The following WDR72 variants were observed in gnomAD, a reference collection of about 807,000 sequenced individuals.
The protein encoded by WDR72 is WD repeat-containing protein 72.
A neutral mutation model predicts 124.2 loss-of-function variants in WDR72; 120 were observed. The ratio of observed to expected loss-of-function variants is 0.97; its 90% CI spans 0.83 to 1.12. The LOEUF is 1.12. Among genes scored for constraint, WDR72 ranks in the 50% most tolerant of loss-of-function variants. The probability of loss-of-function intolerance (pLI) is 0.00; values close to 1 mark genes in which losing one functional copy is unlikely to be tolerated. For synonymous variants in WDR72, 452 were observed against 441.7 expected (o/e 1.02, Z -0.29); for missense variants, 1,387 against 1,278.8 (o/e 1.08, Z -1.29).
At chr15:53,655,293 A>T (rs1057178101) in intron 14 of WDR72, among the ~76,000 whole-genome samples, 1 of 151,266 alleles carries the variant, frequency 6.6e-6, no homozygotes, top group Non-Finnish European at 1.5e-5. Flanking sequence ...ACCATCTATC[A>T]ACCTGACTTT....
Position 53,517,661 on chromosome 15 carries a change from A to C in WDR72, c.*38T>G, listed in dbSNP as rs1185553208. 5 of 1,605,224 alleles carry C rather than the reference A, an allele frequency of 3.1e-6. No individual in the cohort carries two copies. The highest frequency in any genetic ancestry group is 4.3e-6 in the Non-Finnish European group (5 of 1,172,270). On this transcript the variant is annotated 3_prime_UTR_variant, in exon 20 of 20. Coordinates refer to ENST00000360509, the MANE Select transcript of WDR72 (RefSeq NM_182758.4). ...ACAAATGGCATCTTTTGGATTTCTT[A>C]ATTTGTCCAAATTCAGCTCCTACTG...
At chr15:53,574,190 C>T (rs960782241) in intron 18 of WDR72, among the ~76,000 whole-genome samples, 4 of 152,082 alleles carry the variant, frequency 2.6e-5, no homozygotes, top group African/African-American at 4.8e-5. Context: ...AAAATCCAAA[C>T]GTAATTTAAA....
chr15:53,605,092 T>C (rs2013218518), intron 17 of WDR72, among the ~76,000 whole-genome samples: 1 of 152,182 alleles, frequency 6.6e-6, no homozygotes, highest in African/African-American at 2.4e-5. Context: ...TAAACCTAAA[T>C]GTCAATCAAT....
intron 18 of WDR72, among the ~76,000 whole-genome samples, chr15:53,590,415 C>T (rs192705695): frequency 2.0e-5 from 3 of 152,116 alleles, no homozygotes; most frequent in African/African-American, 4.8e-5. Context: ...CAATGCTACA[C>T]CCCAGCTTTG....
At chr15:53,622,849 A>T (rs777685010) in intron 14 of WDR72, among the ~76,000 whole-genome samples, 1 of 152,158 alleles carries the variant, frequency 6.6e-6, no homozygotes, top group Non-Finnish European at 1.5e-5. Context: ...AATAGATATG[A>T]CTAGCCAAAT....
At chr15:53,651,786 G>A (rs1268179794) in intron 14 of WDR72, among the ~76,000 whole-genome samples, 2 of 152,166 alleles carry the variant, frequency 1.3e-5, no homozygotes, top group East Asian at 1.9e-4. Context: ...CCGAGTAGCT[G>A]GGACTAAAGG....
intron 1 of WDR72, among the ~76,000 whole-genome samples, chr15:53,756,247 G>T (rs1684684275): frequency 6.6e-6 from 1 of 152,124 alleles, no homozygotes; most frequent in Admixed American, 6.5e-5. Flanking sequence ...GGTTTCATAA[G>T]GGGCTTCCCC....
chr15:53,561,726 T>C (rs1894129888), intron 18 of WDR72, among the ~76,000 whole-genome samples: 1 of 151,876 alleles, frequency 6.6e-6, no homozygotes, highest in African/African-American at 2.4e-5. Flanking sequence ...TTCTAAACTC[T>C]GTCTGCATTT....
chr15:53,671,990 A>AGG (rs2016006962), intron 13 of WDR72, among the ~76,000 whole-genome samples: 1 of 151,636 alleles, frequency 6.6e-6, no homozygotes, highest in Non-Finnish European at 1.5e-5. Context: ...AGAGGGAGGG[A>AGG]GAGAGCGAGA....
intron 18 of WDR72, among the ~76,000 whole-genome samples, chr15:53,596,736 T>C (rs1566975904): frequency 1.3e-5 from 2 of 152,090 alleles, no homozygotes; most frequent in South Asian, 2.1e-4. Flanking sequence ...CATTTGACAA[T>C]TATAAGAGGA....
intron 18 of WDR72, among the ~76,000 whole-genome samples, chr15:53,541,351 C>T (rs1893119830): frequency 6.6e-6 from 1 of 152,120 alleles, no homozygotes; most frequent in African/African-American, 2.4e-5. Context: ...CCCCGAGCAG[C>T]CTAACTGGGA....
At chr15:53,521,639 T>A (rs1891803811) in intron 19 of WDR72, among the ~76,000 whole-genome samples, 2 of 152,074 alleles carry the variant, frequency 1.3e-5, no homozygotes, top group Non-Finnish European at 2.9e-5. Flanking sequence ...TATTTGAATC[T>A]CGCTCCCATT....
chr15:53,701,443 A>G (rs1055967033), intron 12 of WDR72, among the ~76,000 whole-genome samples: 3 of 151,926 alleles, frequency 2.0e-5, no homozygotes, highest in Non-Finnish European at 4.4e-5. Flanking sequence ...TGGGAGGCTG[A>G]GGCAGGAGGA....
intron 2 of WDR72, among the ~76,000 whole-genome samples, chr15:53,732,342 T>C (rs1010741583): frequency 1.3e-5 from 2 of 152,242 alleles, no homozygotes; most frequent in Non-Finnish European, 2.9e-5. Context: ...ATCATTAGTT[T>C]AATTGTTCAA....
intron 13 of WDR72, among the ~76,000 whole-genome samples, chr15:53,680,200 T>C (rs1177415936): frequency 6.6e-6 from 1 of 152,212 alleles, no homozygotes; most frequent in African/African-American, 2.4e-5. Context: ...CAATATAGTA[T>C]ATTAACTCAT....
At position 53,712,602 on chromosome 15, in the gene WDR72, C is replaced by A. The variant is rs571808009; in HGVS notation, c.711+170G>T. 9.4e-4 allele frequency among the ~76,000 whole-genome samples: 113 copies of A among 119,942 alleles called. 1 individual carries two copies. The highest frequency in any genetic ancestry group is 3.1e-3 in the African/African-American group (108 of 35,188). The allele number at this position is 119,942 out of a possible 152,430, so 78.7% of individuals were successfully genotyped here. A position where few individuals can be genotyped will look rare whatever the true frequency, so the allele number is the denominator to read the frequency against. On this transcript the variant is annotated intron_variant, in intron 7 of 19. Coordinates refer to ENST00000360509, the MANE Select transcript of WDR72 (RefSeq NM_182758.4). ...AGAGTGAGACTGTCAACCACCCCACCGCCAAAAAAAAAAACTGTTACGTCA... is the reference window on the plus strand; with the variant it reads ...AGAGTGAGACTGTCAACCACCCCACAGCCAAAAAAAAAAACTGTTACGTCA...
chr15:53,624,448 G>A (rs2014126935), intron 14 of WDR72, among the ~76,000 whole-genome samples: 1 of 152,038 alleles, frequency 6.6e-6, no homozygotes, highest in Non-Finnish European at 1.5e-5. Context: ...CTCTGTCTCA[G>A]CACCTAGATC....
chr15:53,755,665 CACTTCCTGTCCCATGATGCTGACAGAT>C (rs2018882575), intron 1 of WDR72, among the ~76,000 whole-genome samples: 2 of 152,196 alleles, frequency 1.3e-5, no homozygotes, highest in African/African-American at 2.4e-5. Flanking sequence ...ATGAAGGCCC[CACTTCCTGTCCCATGATGCTGACAGAT>C]CATGGGGCCT....
intron 13 of WDR72, 21 bp from the exon 14 acceptor site, chr15:53,665,789 T>C (rs1567014110): frequency 6.2e-7 from 1 of 1,610,888 alleles, no homozygotes; most frequent in South Asian, 1.1e-5. Context: ...AGATTAGAGG[T>C]AAAAATGTCA....
Sources: gnomAD v4.1 joint callset for allele counts (sites outside exome capture counted in the v4.1 genomes callset) on GRCh38, gnomAD v4.1.1 for gene constraint, MANE v1.5 for transcripts, NCBI Gene and HGNC (gene_info 2026-07-23, HGNC 2026-07-21) for gene names.